Variants in SLC24A2 observed in about 807,000 individuals in gnomAD.
SLC24A2 encodes the protein solute carrier family 24 member 2, also known as sodium/potassium/calcium exchanger 2.
A neutral mutation model predicts 62.0 loss-of-function variants in SLC24A2; 36 were observed. The observed-to-expected ratio is 0.58, with a 90% CI of 0.44 to 0.77. SLC24A2 has a LOEUF of 0.77. Among genes scored for constraint, SLC24A2 ranks in the 30% least tolerant of loss-of-function variants. The pLI is 0.00. For synonymous variants in SLC24A2, 358 were observed against 294.0 expected, an observed-to-expected ratio of 1.22 and a Z score of -2.23; for missense variants, 846 against 817.9, an observed-to-expected ratio of 1.03 and a Z score of -0.42.
the SLC24A2 span, among the ~76,000 whole-genome samples, chr9:20,274,855 C>A: frequency 5.3e-5 from 8 of 151,952 alleles, no homozygotes; most frequent in Non-Finnish European, 1.2e-4. Context: ...TGCCACGGTG[C>A]AGAAGCTTGG....
intron 10 of SLC24A2, 48 bp downstream of exon 10, chr9:19,520,846 G>C (rs896159183): frequency 1.3e-6 from 2 of 1,581,494 alleles, no homozygotes; most frequent in Non-Finnish European, 1.7e-6. Flanking sequence ...AGAAGACAAA[G>C]ACACTGGTGG....
the SLC24A2 span, among the ~76,000 whole-genome samples, chr9:20,164,034 A>G: frequency 6.6e-6 from 1 of 152,182 alleles, no homozygotes; most frequent in African/African-American, 2.4e-5. Context: ...AAACCCTAGA[A>G]GAAAACCTAG....
the SLC24A2 span, among the ~76,000 whole-genome samples, chr9:20,280,883 A>C: frequency 6.6e-6 from 1 of 152,184 alleles, no homozygotes; most frequent in Non-Finnish European, 1.5e-5. Context: ...AATCCAAGGG[A>C]GGCCTGGAGC....
intron 9 of SLC24A2, among the ~76,000 whole-genome samples, chr9:19,521,952 G>A (rs185355652): frequency 7.7e-4 from 116 of 150,754 alleles, no homozygotes; most frequent in Admixed American, 1.7e-3. Context: ...AGCCTCACGT[G>A]GAAGCTCCTC....
At chr9:20,255,190 A>C in the SLC24A2 span, among the ~76,000 whole-genome samples, 1 of 152,186 alleles carries the variant, frequency 6.6e-6, no homozygotes, top group African/African-American at 2.4e-5. Flanking sequence ...TTAATCACTT[A>C]CCACTTAGCT....
chr9:20,188,242 A>G, the SLC24A2 span, among the ~76,000 whole-genome samples: 29 of 152,328 alleles, frequency 1.9e-4, no homozygotes, highest in African/African-American at 6.7e-4. Flanking sequence ...GCTGCTGGAC[A>G]GTGGACCCCT....
the SLC24A2 span, among the ~76,000 whole-genome samples, chr9:20,005,865 T>A: frequency 1.4e-5 from 2 of 140,738 alleles, no homozygotes; most frequent in East Asian, 2.1e-4. Context: ...CCTACTCCAT[T>A]AAAAAAAAAA....
At chr9:20,260,142 G>A in the SLC24A2 span, among the ~76,000 whole-genome samples, 1 of 152,160 alleles carries the variant, frequency 6.6e-6, no homozygotes, top group East Asian at 1.9e-4. Context: ...TAGACCACGA[G>A]GGCTCCAACT....
chr9:19,726,649 G>A (rs186274799), intron 2 of SLC24A2, among the ~76,000 whole-genome samples: 1 of 152,212 alleles, frequency 6.6e-6, no homozygotes, highest in Admixed American at 6.5e-5. Flanking sequence ...ACAATTATTT[G>A]GCACTAAATA....
At chr9:20,081,011 C>A in the SLC24A2 span, among the ~76,000 whole-genome samples, 1 of 152,128 alleles carries the variant, frequency 6.6e-6, no homozygotes, top group Non-Finnish European at 1.5e-5. Flanking sequence ...GAAATAGGAA[C>A]ACTTTTACAA....
At chr9:19,622,365 A>G in intron 2 of SLC24A2, 66 bp from the exon 3 acceptor site, 13 of 1,470,258 alleles carry the variant, frequency 8.8e-6, no homozygotes, top group Non-Finnish European at 1.1e-5. Flanking sequence ...CACATATGGC[A>G]TTTACATTTA....
chr9:20,243,641 A>G, the SLC24A2 span, among the ~76,000 whole-genome samples: 1 of 152,224 alleles, frequency 6.6e-6, no homozygotes, highest in African/African-American at 2.4e-5. Context: ...ATATATATGA[A>G]CAAAGCATTC....
chr9:19,578,822 C>T (rs370593386), intron 5 of SLC24A2, among the ~76,000 whole-genome samples: 47 of 152,242 alleles, frequency 3.1e-4, no homozygotes, highest in East Asian at 9.7e-4. Context: ...GAAAATGACA[C>T]GAGCTGTGAC....
intron 2 of SLC24A2, among the ~76,000 whole-genome samples, chr9:19,724,918 A>G (rs970426569): frequency 5.9e-5 from 9 of 152,108 alleles, no homozygotes; most frequent in African/African-American, 2.2e-4. Context: ...AATCCTACAC[A>G]ACCTCAAGCG....
chr9:20,092,766 C>G, the SLC24A2 span, among the ~76,000 whole-genome samples: 1 of 152,134 alleles, frequency 6.6e-6, no homozygotes, highest in African/African-American at 2.4e-5. Context: ...AATTTGCTGT[C>G]TCATCAAATT....
chr9:19,663,604 G>A (rs1412367918), intron 2 of SLC24A2, among the ~76,000 whole-genome samples: 2 of 152,192 alleles, frequency 1.3e-5, no homozygotes, highest in East Asian at 1.9e-4. Flanking sequence ...GGGTCAGGCT[G>A]TCAGAGAGCA....
chr9:20,153,867 A>G, the SLC24A2 span, among the ~76,000 whole-genome samples: 1 of 151,970 alleles, frequency 6.6e-6, no homozygotes, highest in South Asian at 2.1e-4. Context: ...TTTTCTATAT[A>G]AGCATGTGTT....
intron 2 of SLC24A2, among the ~76,000 whole-genome samples, chr9:19,644,377 G>A (rs893745133): frequency 5.3e-5 from 8 of 152,188 alleles, no homozygotes; most frequent in African/African-American, 1.9e-4. Context: ...TTGTTTACTA[G>A]TGCCTGGCAG....
chr9:20,067,029 C>G, the SLC24A2 span, among the ~76,000 whole-genome samples: 5 of 152,146 alleles, frequency 3.3e-5, no homozygotes, highest in African/African-American at 1.2e-4. Flanking sequence ...AAAATGTTTA[C>G]AGTTTTGAAG....
Sources: gnomAD v4.1 joint callset for allele counts (sites outside exome capture counted in the v4.1 genomes callset) on GRCh38, gnomAD v4.1.1 for gene constraint, MANE v1.5 for transcripts, NCBI Gene and HGNC (gene_info 2026-07-23, HGNC 2026-07-21) for gene names.